The following AGBL4 variants were observed in gnomAD, a reference collection of about 807,000 sequenced individuals.
AGBL4 encodes the protein cytosolic carboxypeptidase 6.
In AGBL4, 58 loss-of-function variants were observed where a neutral mutation model predicts 66.4. That is an observed-to-expected ratio of 0.87 (90% CI 0.71 to 1.09). The LOEUF is 1.09. Ranked by LOEUF, AGBL4 falls within the 50% of genes least tolerant of loss-of-function variation. The pLI is 0.00. For synonymous variants in AGBL4, 234 were observed against 222.9 expected (o/e 1.05, Z -0.44); for missense variants, 579 against 631.0 (o/e 0.92, Z 0.88).
intron 6 of AGBL4, among the ~76,000 whole-genome samples, chr1:48,819,652 G>A (rs1646266974): frequency 2.0e-5 from 3 of 152,324 alleles, no homozygotes; most frequent in Non-Finnish European, 4.4e-5. Flanking sequence ...AGAGCCCCTG[G>A]AAATCTTCTA....
intron 3 of AGBL4, among the ~76,000 whole-genome samples, chr1:49,380,375 C>T (rs549918828): frequency 6.6e-6 from 1 of 152,258 alleles, no homozygotes; most frequent in Admixed American, 6.5e-5. Context: ...ACATTCCATG[C>T]TCATGGGTAG....
At chr1:48,808,655 G>A (rs1429446338) in intron 6 of AGBL4, among the ~76,000 whole-genome samples, 1 of 150,840 alleles carries the variant, frequency 6.6e-6, no homozygotes, top group Non-Finnish European at 1.5e-5. Context: ...GGCATGAAAG[G>A]AAAAGAGAGA....
intron 1 of AGBL4, among the ~76,000 whole-genome samples, chr1:50,016,379 T>C (rs1329215461): frequency 6.6e-6 from 1 of 152,100 alleles, no homozygotes; most frequent in Non-Finnish European, 1.5e-5. Context: ...CTGGCCAACA[T>C]GGCAAAACCC....
At chr1:48,628,236 A>C (rs1239466173) in intron 9 of AGBL4, among the ~76,000 whole-genome samples, 1 of 152,168 alleles carries the variant, frequency 6.6e-6, no homozygotes, top group Non-Finnish European at 1.5e-5. Context: ...AAAGCAGGGA[A>C]GACAGACCCA....
At chr1:49,756,429 T>C (rs1042997719) in intron 2 of AGBL4, among the ~76,000 whole-genome samples, 8 of 152,184 alleles carry the variant, frequency 5.3e-5, no homozygotes, top group African/African-American at 1.9e-4. Flanking sequence ...CCACAATAGA[T>C]TTGAGACTAA....
chr1:49,840,305 T>C (rs1468314198), intron 2 of AGBL4, among the ~76,000 whole-genome samples: 1 of 152,162 alleles, frequency 6.6e-6, no homozygotes, highest in Non-Finnish European at 1.5e-5. Context: ...TCTGTGGGAA[T>C]AGTTGTAATG....
At chr1:49,812,456 A>T (rs757981463) in intron 2 of AGBL4, among the ~76,000 whole-genome samples, 2 of 152,214 alleles carry the variant, frequency 1.3e-5, no homozygotes, top group Non-Finnish European at 2.9e-5. Context: ...TGACATACTC[A>T]CATTTACCTA....
chr1:49,781,036 T>C (rs1243407966), intron 2 of AGBL4, among the ~76,000 whole-genome samples: 1 of 152,030 alleles, frequency 6.6e-6, no homozygotes, highest in Non-Finnish European at 1.5e-5. Context: ...GAAAAAGGTA[T>C]ACCACACAAA....
chr1:49,082,321 G>C (rs1432252260), intron 4 of AGBL4, among the ~76,000 whole-genome samples: 2 of 152,168 alleles, frequency 1.3e-5, no homozygotes, highest in Non-Finnish European at 2.9e-5. Flanking sequence ...CCAATGCTGA[G>C]TGTATCAGTC....
chr1:49,373,673 G>C (rs1644413256), intron 3 of AGBL4, among the ~76,000 whole-genome samples: 1 of 152,022 alleles, frequency 6.6e-6, no homozygotes, highest in African/African-American at 2.4e-5. Flanking sequence ...ATTTGGAAAA[G>C]TTATATAATT....
intron 2 of AGBL4, among the ~76,000 whole-genome samples, chr1:49,789,658 C>A (rs1441621827): frequency 2.0e-5 from 3 of 152,116 alleles, no homozygotes; most frequent in Admixed American, 2.0e-4. Flanking sequence ...AGGAGAACTA[C>A]AAACCACTGC....
rs374917219 is a variant in AGBL4, at chr1:49,290,848, T to A, written c.283-44984A>T. Reference sequence around the variant, plus strand: ...CCTCGTTTTTACAAAAAATATAAATTAATTAATTAAAATTAGCCAAGCATA... The same window carrying A: ...CCTCGTTTTTACAAAAAATATAAATAAATTAATTAAAATTAGCCAAGCATA... On this transcript the variant is annotated intron_variant, in intron 3 of 13. Transcript: ENST00000371839. Among the ~76,000 whole-genome samples, 55 of 152,208 alleles carry A rather than the reference T, an allele frequency of 3.6e-4. 1 individual carries two copies. In the South Asian group the frequency reaches 9.7e-3, roughly 27 times the overall value.
At chr1:49,718,823 A>T (rs1452668017) in intron 2 of AGBL4, among the ~76,000 whole-genome samples, 2 of 152,084 alleles carry the variant, frequency 1.3e-5, no homozygotes, top group African/African-American at 4.8e-5. Context: ...TCTACAAAAA[A>T]TTTGTAAGCT....
chr1:49,578,573 C>T (rs1033380480), intron 3 of AGBL4, among the ~76,000 whole-genome samples: 1 of 152,164 alleles, frequency 6.6e-6, no homozygotes, highest in Non-Finnish European at 1.5e-5. Context: ...TGCACGTATG[C>T]ACTTGTACTA....
chr1:49,845,082 T>C (rs1415890478), intron 2 of AGBL4: 7 of 1,451,664 alleles, frequency 4.8e-6, no homozygotes, highest in Admixed American at 1.8e-5. Context: ...CCTACAAATG[T>C]CAGGAATGCA....
intron 3 of AGBL4, among the ~76,000 whole-genome samples, chr1:49,352,896 A>C (rs1376713221): frequency 3.9e-5 from 6 of 152,216 alleles, no homozygotes; most frequent in Non-Finnish European, 5.9e-5. Flanking sequence ...GTTGGGATTC[A>C]AACCTAGGTT....
rs1311134076 is a variant in AGBL4, at chr1:49,949,231, G to A, written c.34+74532C>T. On this transcript the variant is annotated intron_variant, in intron 1 of 13. Transcript: ENST00000371839. The stretch of plus-strand genomic sequence containing the variant: ...AAAAATCAACTCAAGAAGGATCAAG[G>A]ACCTAAATCTAAGACTTGAAACTAT... Among the ~76,000 whole-genome samples, 5 of 151,632 alleles carry A rather than the reference G, an allele frequency of 3.3e-5. No individual in the cohort carries two copies. In the East Asian group the frequency reaches 7.7e-4, roughly 23 times the overall value.
chr1:49,326,189 A>C (rs775891268), intron 3 of AGBL4, among the ~76,000 whole-genome samples: 1 of 152,090 alleles, frequency 6.6e-6, no homozygotes, highest in Non-Finnish European at 1.5e-5. Flanking sequence ...GCAAGGAATA[A>C]ATTTTCTGAG....
chr1:49,449,550 C>T (rs1303209855), intron 3 of AGBL4, among the ~76,000 whole-genome samples: 1 of 151,786 alleles, frequency 6.6e-6, no homozygotes, highest in African/African-American at 2.4e-5. Flanking sequence ...CATAATGTGA[C>T]ATTATGAGAA....
Sources: gnomAD v4.1 joint callset for allele counts (sites outside exome capture counted in the v4.1 genomes callset) on GRCh38, gnomAD v4.1.1 for gene constraint, MANE v1.5 for transcripts, NCBI Gene and HGNC (gene_info 2026-07-23, HGNC 2026-07-21) for gene names.